Variants in ALPK2 observed in about 807,000 individuals in gnomAD.
ALPK2 encodes alpha kinase 2.
In ALPK2, 127 loss-of-function variants were observed where a neutral mutation model predicts 163.1. The observed-to-expected ratio is 0.78, with a 90% CI of 0.67 to 0.90. The LOEUF is 0.90. Ranked by LOEUF, ALPK2 falls within the 40% of genes least tolerant of loss-of-function variation. The pLI, the probability that ALPK2 is intolerant of heterozygous loss-of-function variation, is 0.00. For missense variants in ALPK2, 2,360 were observed against 2,589.6 expected (o/e 0.91, Z 1.92); for synonymous variants, 953 against 959.1 (o/e 0.99, Z 0.12).
At chr18:58,520,223 T>C (rs1374719206) in intron 8 of ALPK2, among the ~76,000 whole-genome samples, 1 of 151,328 alleles carries the variant, frequency 6.6e-6, no homozygotes, top group African/African-American at 2.4e-5. Flanking sequence ...AGGTCAGGAG[T>C]TCCCGACCAG....
intron 10 of ALPK2, among the ~76,000 whole-genome samples, chr18:58,505,782 G>C (rs558729118): frequency 1.3e-5 from 2 of 152,234 alleles, no homozygotes; most frequent in Admixed American, 1.3e-4. Context: ...CTCTATCAAG[G>C]GCAGCACGAC....
Position 58,578,931 on chromosome 18 carries a change from A to G in ALPK2, c.1845T>C (p.Leu615=). The change falls in exon 4 of 13, where the codon CTT becomes CTC. Residue 615 remains leucine, a synonymous_variant. Coordinates refer to ENST00000361673, the MANE Select transcript of ALPK2 (RefSeq NM_052947.4). ...TGGAGACTGAGTCTGTTGAAGTTTGAAGGGTTTTTGCTTCTTGCTCTGCCT... is the reference window on the plus strand; with the variant it reads ...TGGAGACTGAGTCTGTTGAAGTTTGGAGGGTTTTTGCTTCTTGCTCTGCCT... The part of the protein sequence containing the change: ...STQAEQEAKT[L]QTSTDSVSKE... The G allele has an allele frequency of 6.2e-7, 1 of 1,614,118 alleles. No homozygotes were observed. Among genetic ancestry groups the G allele is most frequent in the South Asian group, 1.1e-5 (1 of 91,076 alleles).
intron 3 of ALPK2, among the ~76,000 whole-genome samples, chr18:58,593,907 G>GA (rs1460011525): frequency 2.4e-5 from 3 of 123,814 alleles, no homozygotes; most frequent in Non-Finnish European, 5.2e-5. Context: ...ATAATAAAAG[G>GA]AAAAAAATAC....
intron 8 of ALPK2, 133 bp from the exon 9 acceptor site, chr18:58,517,315 C>CTT: frequency 1.2e-6 from 1 of 855,078 alleles, no homozygotes; most frequent in Admixed American, 2.7e-5. Context: ...GGCAGACACA[C>CTT]TTAACCCTTC....
chr18:58,546,310 T>C (rs1388641483), intron 4 of ALPK2, among the ~76,000 whole-genome samples: 1 of 152,192 alleles, frequency 6.6e-6, no homozygotes, highest in Non-Finnish European at 1.5e-5. Flanking sequence ...TCATAGAGTT[T>C]GTAAAATACT....
chr18:58,606,135 G>A (rs2052096642), intron 3 of ALPK2, among the ~76,000 whole-genome samples: 2 of 152,306 alleles, frequency 1.3e-5, no homozygotes, highest in Admixed American at 1.3e-4. Context: ...CTGGAGTGCA[G>A]TGGTGCAATC....
At chr18:58,511,848 A>G (rs1321111393) in intron 10 of ALPK2, 1 of 152,208 alleles carries the variant, frequency 6.6e-6, no homozygotes, top group Non-Finnish European at 1.5e-5. Context: ...AGGCTTGCTC[A>G]TGAGCAGAAT....
chr18:58,521,817 G>A (rs749952583), intron 8 of ALPK2, among the ~76,000 whole-genome samples: 3 of 151,420 alleles, frequency 2.0e-5, no homozygotes, highest in South Asian at 2.1e-4. Flanking sequence ...TAGTAGAGAC[G>A]GGGTTTCACC....
At chr18:58,591,840 C>T (rs1460783333) in intron 3 of ALPK2, among the ~76,000 whole-genome samples, 1 of 152,184 alleles carries the variant, frequency 6.6e-6, no homozygotes, top group Non-Finnish European at 1.5e-5. Flanking sequence ...TCTCTTAATA[C>T]ACCAAAGCAA....
chr18:58,503,806 G>T, intron 11 of ALPK2, 125 bp downstream of exon 11: 2 of 780,452 alleles, frequency 2.6e-6, no homozygotes, highest in Middle Eastern at 3.9e-4. Flanking sequence ...AACAGCTTCT[G>T]CAGGTAAAGG....
chr18:58,557,739 T>A (rs1270665124), intron 4 of ALPK2, among the ~76,000 whole-genome samples: 3 of 151,088 alleles, frequency 2.0e-5, no homozygotes, highest in African/African-American at 7.3e-5. Flanking sequence ...TAGTTTGTCA[T>A]TGGATCAGCT....
At chr18:58,587,993 T>G (rs1568094344) in intron 3 of ALPK2, among the ~76,000 whole-genome samples, 1 of 152,208 alleles carries the variant, frequency 6.6e-6, no homozygotes, top group Non-Finnish European at 1.5e-5. Flanking sequence ...TAACCATCAT[T>G]TGTCTGTTAT....
intron 4 of ALPK2, among the ~76,000 whole-genome samples, chr18:58,559,721 CTTG>C (rs1216748601): frequency 3.9e-5 from 6 of 152,148 alleles, no homozygotes; most frequent in South Asian, 2.1e-4. Context: ...TGCCATTTTT[CTTG>C]TTGTTTTCTC....
At chr18:58,569,548 T>C (rs1188434892) in intron 4 of ALPK2, among the ~76,000 whole-genome samples, 14 of 152,214 alleles carry the variant, frequency 9.2e-5, no homozygotes, top group Admixed American at 9.2e-4. Flanking sequence ...ACAGGGCTTC[T>C]GAGCCTGCAT....
rs575861946 is a variant in ALPK2, at chr18:58,625,676, G to A, written c.-21+3088C>T. On this transcript the variant is annotated intron_variant, in intron 1 of 12. Transcript: ENST00000361673. Reference sequence around the variant, plus strand: ...AGCAAATGAGCGTGTTTAAGAGCAGGGGCCTGGTTATCTAAGAGCAGGATT... The same window carrying A: ...AGCAAATGAGCGTGTTTAAGAGCAGAGGCCTGGTTATCTAAGAGCAGGATT... 1.4e-3 allele frequency among the ~76,000 whole-genome samples: 210 copies of A among 152,336 alleles called. 1 individual carries two copies. The highest frequency in any genetic ancestry group is 4.7e-3 in the African/African-American group (197 of 41,580).
intron 10 of ALPK2, 135 bp downstream of exon 10, chr18:58,514,858 C>T (rs2072218679): frequency 2.3e-5 from 9 of 390,866 alleles, no homozygotes; most frequent in Non-Finnish European, 3.8e-5. Context: ...GGATAGCAGC[C>T]GTGTGAGCCC....
rs1357204810 is a variant in ALPK2, at chr18:58,535,397, T to A, written c.4790A>T (p.Lys1597Ile). The change falls in exon 5 of 13, where the codon AAA becomes ATA. Residue 1597 changes from lysine to isoleucine, a missense_variant. By Grantham distance (102) the Lys-to-Ile change is moderately radical. Coordinates refer to ENST00000361673, the MANE Select transcript of ALPK2 (RefSeq NM_052947.4). ...KRGTIENERG[K>I]PLPSSPDLTR... ...AAGATCAGGAGAAGAGGGCAAAGGT[T>A]TCCCACGCTCATTCTCAATAGTTCC... 6.2e-7 allele frequency: 1 copy of A among 1,614,182 alleles called. No individual in the cohort carries two copies.
chr18:58,553,971 C>G (rs2051775037), intron 4 of ALPK2, among the ~76,000 whole-genome samples: 1 of 144,794 alleles, frequency 6.9e-6, no homozygotes, highest in African/African-American at 2.5e-5. Flanking sequence ...AAGCGATTCT[C>G]CTGCCTCAGC....
rs59358600 is a variant in ALPK2 at position 58,521,627 on chromosome 18, C to CTCTTTTTTTTTTTTTT, written c.5665+2178_5665+2179insAAAAAAAAAAAAAAGA. Reference sequence around the variant, plus strand: ...TTTCTTTTTCTTTCTTTCTCTCTCTCTTTTTTTTTTTTTTTTTTTGAGATG... The same window carrying CTCTTTTTTTTTTTTTT: ...TTTCTTTTTCTTTCTTTCTCTCTCTCTCTTTTTTTTTTTTTTTTTTTTTTTTTTTTTTTTTGAGATG... On this transcript the variant is annotated intron_variant, in intron 8 of 12. Transcript: ENST00000361673. Among the ~76,000 whole-genome samples, 147 of 55,388 alleles carry CTCTTTTTTTTTTTTTT rather than the reference C, an allele frequency of 2.7e-3. 1 individual carries two copies. The highest frequency in any genetic ancestry group is 6.4e-3 in the African/African-American group (102 of 15,828). 36.3% of individuals were successfully genotyped at this position (55,388 alleles called of 152,430 possible).
Sources: allele counts gnomAD v4.1 joint callset (sites outside exome capture counted in the v4.1 genomes callset), GRCh38; gene constraint gnomAD v4.1.1; transcripts MANE v1.5; gene names NCBI Gene and HGNC (gene_info 2026-07-23, HGNC 2026-07-21).